The following EDIL3 variants were observed in gnomAD, a reference collection of about 807,000 sequenced individuals.
EDIL3 encodes EGF like and discoidin domains 3, also known as EGF-like repeat and discoidin I-like domain-containing protein 3.
A neutral mutation model predicts 67.4 loss-of-function variants in EDIL3; 37 were observed. The ratio of observed to expected loss-of-function variants is 0.55; its 90% CI spans 0.42 to 0.72. The LOEUF (loss-of-function observed/expected upper bound fraction) is 0.72, where lower values mean the gene tolerates loss of function less well. Ranked by LOEUF, EDIL3 falls within the 30% of genes least tolerant of loss-of-function variation. EDIL3 has a pLI of 0.00. For missense variants in EDIL3, 527 were observed against 586.3 expected (o/e 0.90, Z 1.04); for synonymous variants, 195 against 196.3 (o/e 0.99, Z 0.05).
At chr5:84,173,728 G>A (rs1283677678) in intron 4 of EDIL3, among the ~76,000 whole-genome samples, 2 of 152,162 alleles carry the variant, frequency 1.3e-5, no homozygotes, top group African/African-American at 4.8e-5. Flanking sequence ...CAGTAATGGA[G>A]ACGGGGCCAT....
chr5:84,048,580 T>G (rs957928584), intron 9 of EDIL3, among the ~76,000 whole-genome samples: 90 of 152,052 alleles, frequency 5.9e-4, no homozygotes, highest in African/African-American at 2.0e-3. Flanking sequence ...AAATGTCTTA[T>G]GAAATAGACC....
At chr5:84,204,777 TAA>T (rs1186600322) in intron 3 of EDIL3, among the ~76,000 whole-genome samples, 1 of 132,254 alleles carries the variant, frequency 7.6e-6, no homozygotes, top group African/African-American at 2.9e-5. Flanking sequence ...TTTACAAGCA[TAA>T]GTTAATTGGC....
At position 84,034,766 on chromosome 5, in the gene EDIL3, G is replaced by T. The variant is rs944796168; in HGVS notation, c.1137+25534C>A. Among the ~76,000 whole-genome samples, 14 of 152,070 alleles carry T rather than the reference G, an allele frequency of 9.2e-5. 2 individuals are homozygous for T. Among genetic ancestry groups the T allele is most frequent in the Admixed American group, 9.2e-4 (14 of 15,260 alleles). The stretch of plus-strand genomic sequence containing the variant: ...TGAATTCATAGATCCAGCTAATAAG[G>T]ATAGTAAAATGCAGAGCTAGAAATT... On this transcript the variant is annotated intron_variant, in intron 9 of 10. Transcript: ENST00000296591.
intron 3 of EDIL3, among the ~76,000 whole-genome samples, chr5:84,194,165 TAA>T (rs1743648039): frequency 6.6e-6 from 1 of 151,952 alleles, no homozygotes; most frequent in South Asian, 2.1e-4. Flanking sequence ...GGAAAGACAG[TAA>T]AAGAGTACAC....
At chr5:84,361,028 G>A (rs1277054492) in intron 1 of EDIL3, among the ~76,000 whole-genome samples, 1 of 151,976 alleles carries the variant, frequency 6.6e-6, no homozygotes, top group Admixed American at 6.6e-5. Context: ...CTAGCAATGA[G>A]TAGCTCAGAA....
intron 3 of EDIL3, among the ~76,000 whole-genome samples, chr5:84,220,257 T>G (rs1744316120): frequency 6.6e-6 from 1 of 152,044 alleles, no homozygotes; most frequent in Non-Finnish European, 1.5e-5. Flanking sequence ...CCCACTAAAA[T>G]TAAAACTTAA....
chr5:84,022,690 A>T (rs1745739723), intron 9 of EDIL3, among the ~76,000 whole-genome samples: 1 of 151,968 alleles, frequency 6.6e-6, no homozygotes, highest in African/African-American at 2.4e-5. Context: ...CATATATGGC[A>T]TCTAAAATAC....
intron 3 of EDIL3, among the ~76,000 whole-genome samples, chr5:84,185,106 G>A (rs1026642227): frequency 2.0e-5 from 3 of 152,100 alleles, no homozygotes; most frequent in African/African-American, 7.2e-5. Flanking sequence ...AATGGGCTCA[G>A]GGAGGATAAG....
intron 1 of EDIL3, among the ~76,000 whole-genome samples, chr5:84,272,147 A>G (rs1425698936): frequency 6.6e-6 from 1 of 152,102 alleles, no homozygotes; most frequent in African/African-American, 2.4e-5. Flanking sequence ...TAATGTGAAG[A>G]AGGAAATATA....
chr5:84,153,456 G>A (rs983828653), intron 4 of EDIL3, among the ~76,000 whole-genome samples: 99 of 151,246 alleles, frequency 6.5e-4, no homozygotes, highest in Non-Finnish European at 3.0e-4. Context: ...CACCACGCCC[G>A]GCTAATTTTT....
chr5:84,310,893 C>T (rs982963474), intron 1 of EDIL3, among the ~76,000 whole-genome samples: 3 of 152,132 alleles, frequency 2.0e-5, no homozygotes, highest in African/African-American at 7.2e-5. Context: ...AAAAATCAAC[C>T]CTTGAAGGTA....
intron 2 of EDIL3, among the ~76,000 whole-genome samples, chr5:84,246,481 T>C (rs973047883): frequency 2.0e-5 from 3 of 152,236 alleles, no homozygotes; most frequent in African/African-American, 4.8e-5. Flanking sequence ...ATATGATTAT[T>C]TTTTAATAAA....
intron 1 of EDIL3, among the ~76,000 whole-genome samples, chr5:84,358,899 C>T (rs1242106707): frequency 1.3e-5 from 2 of 152,086 alleles, no homozygotes; most frequent in African/African-American, 4.8e-5. Context: ...CGTAAGCCAC[C>T]GCACCCAGCT....
chr5:83,987,155 C>T (rs1249609508), intron 9 of EDIL3, among the ~76,000 whole-genome samples: 3 of 152,130 alleles, frequency 2.0e-5, no homozygotes, highest in Non-Finnish European at 4.4e-5. Flanking sequence ...TTCCCTCTAG[C>T]ACCATGCTTC....
At chr5:84,093,769 C>A (rs942232716) in intron 6 of EDIL3, among the ~76,000 whole-genome samples, 1 of 150,120 alleles carries the variant, frequency 6.7e-6, no homozygotes, top group African/African-American at 2.5e-5. Flanking sequence ...AAGTGATTCT[C>A]CTGCCTCAGC....
intron 1 of EDIL3, among the ~76,000 whole-genome samples, chr5:84,330,124 T>A (rs1254785685): frequency 1.3e-5 from 2 of 151,696 alleles, no homozygotes; most frequent in Non-Finnish European, 2.9e-5. Flanking sequence ...AACCCTCAAA[T>A]AACCAATTCA....
At chr5:84,185,701 G>C (rs1401318258) in intron 3 of EDIL3, among the ~76,000 whole-genome samples, 1 of 151,976 alleles carries the variant, frequency 6.6e-6, no homozygotes, top group Non-Finnish European at 1.5e-5. Flanking sequence ...CAAGCTTCTA[G>C]TCCTTTAAAT....
intron 4 of EDIL3, among the ~76,000 whole-genome samples, chr5:84,156,884 T>C (rs187066415): frequency 1.1e-3 from 171 of 152,230 alleles, no homozygotes; most frequent in Non-Finnish European, 1.9e-3. Context: ...CAGAAATAAA[T>C]CTTTCTTCAA....
At chr5:84,234,477 G>A (rs374192637) in intron 2 of EDIL3, among the ~76,000 whole-genome samples, 16 of 152,116 alleles carry the variant, frequency 1.1e-4, no homozygotes, top group African/African-American at 3.4e-4. Flanking sequence ...GATACAACAC[G>A]ATACTATAAC....
Sources: gnomAD v4.1 joint callset for allele counts (sites outside exome capture counted in the v4.1 genomes callset) on GRCh38, gnomAD v4.1.1 for gene constraint, MANE v1.5 for transcripts, NCBI Gene and HGNC (gene_info 2026-07-23, HGNC 2026-07-21) for gene names.